The following CRYBG1 variants were observed in gnomAD, a reference collection of about 807,000 sequenced individuals.
CRYBG1 encodes beta/gamma crystallin domain-containing protein 1.
CRYBG1 carries 139 observed loss-of-function variants against 189.2 expected under a neutral mutation model. That is an observed-to-expected ratio of 0.73 (90% CI 0.64 to 0.85). The LOEUF (loss-of-function observed/expected upper bound fraction) is 0.85, where lower values mean the gene tolerates loss of function less well. Ranked by LOEUF, CRYBG1 falls within the 40% of genes least tolerant of loss-of-function variation. The probability of loss-of-function intolerance (pLI) is 0.00; values close to 1 mark genes in which losing one functional copy is unlikely to be tolerated. For missense variants in CRYBG1, 2,611 were observed against 2,675.8 expected (o/e 0.98, Z 0.53); for synonymous variants, 1,023 against 1,017.1 (o/e 1.01, Z -0.11).
chr6:106,543,423 T>A lies in CRYBG1; in HGVS notation c.4882-17T>A. On this transcript the variant is annotated splice_polypyrimidine_tract_variant and intron_variant, in intron 10 of 21. Coordinates refer to ENST00000633556, the MANE Select transcript of CRYBG1 (RefSeq NM_001371242.2). The stretch of plus-strand genomic sequence containing the variant: ...ATACTTCTTACAGATTACTGGTATA[T>A]CTCATTTCTATTGTAGGTAGTTGTT... 2 of 1,602,148 alleles carry A rather than the reference T, an allele frequency of 1.2e-6. No homozygotes were observed. Among genetic ancestry groups the A allele is most frequent in the Non-Finnish European group, 1.7e-6 (2 of 1,169,900 alleles).
intron 1 of CRYBG1, among the ~76,000 whole-genome samples, chr6:106,421,134 AGTGCACTT>A (rs1397156511): frequency 6.6e-6 from 1 of 152,186 alleles, no homozygotes; most frequent in Non-Finnish European, 1.5e-5. Flanking sequence ...TCTGGAGTGC[AGTGCACTT>A]GAGGCCAAGG....
At position 106,504,029 on chromosome 6, in the gene CRYBG1, G is replaced by GAAAAAA. The variant is rs33971164; in HGVS notation, c.313-7387_313-7382dup. ...TGTTTGGCCTGAAGTGACAGCATTA[G>GAAAAAA]AAAAAAAAAAAAAAAAAAACCACAA... On this transcript the variant is annotated intron_variant, in intron 2 of 21. Transcript: ENST00000633556. 5.6e-5 allele frequency among the ~76,000 whole-genome samples: 5 copies of GAAAAAA among 88,540 alleles called. 1 individual carries two copies. Among genetic ancestry groups the GAAAAAA allele is most frequent in the Non-Finnish European group, 9.1e-5 (4 of 44,120 alleles). 58.1% of individuals were successfully genotyped at this position (88,540 alleles called of 152,430 possible).
intron 1 of CRYBG1, among the ~76,000 whole-genome samples, chr6:106,419,977 G>A (rs979286483): frequency 3.3e-5 from 5 of 152,176 alleles, no homozygotes; most frequent in Admixed American, 6.6e-5. Flanking sequence ...TTTACTCTGT[G>A]GGTCTTCCTG....
intron 1 of CRYBG1, among the ~76,000 whole-genome samples, chr6:106,398,142 G>A (rs12192409): frequency 0.1 from 15,393 of 152,052 alleles, 835 homozygotes; most frequent in East Asian, 0.15. Flanking sequence ...ATCCTTGCCC[G>A]TCTTCTCTGC....
intron 1 of CRYBG1, among the ~76,000 whole-genome samples, chr6:106,419,558 AT>A (rs1771087350): frequency 6.6e-6 from 1 of 152,120 alleles, no homozygotes; most frequent in Admixed American, 6.5e-5. Context: ...AATTGTTAAA[AT>A]TTTTTGTAGA....
chr6:106,413,624 C>A (rs1770971137), intron 1 of CRYBG1, among the ~76,000 whole-genome samples: 1 of 151,942 alleles, frequency 6.6e-6, no homozygotes, highest in African/African-American at 2.4e-5. Flanking sequence ...TTGCAGTGAG[C>A]CTAGATTGCA....
At chr6:106,376,193 A>G (rs79231630) in intron 1 of CRYBG1, among the ~76,000 whole-genome samples, 12,143 of 152,278 alleles carry the variant, frequency 0.08, 674 homozygotes, top group African/African-American at 0.16. Context: ...TAAAGATGAA[A>G]TTATAGAGGG....
At chr6:106,527,220 A>AT in intron 6 of CRYBG1, 85 bp from the exon 7 acceptor site, 1 of 1,141,992 alleles carries the variant, frequency 8.8e-7, no homozygotes, top group Non-Finnish European at 1.2e-6. Flanking sequence ...ATATATATAT[A>AT]AAATGGCAAT....
At chr6:106,382,297 C>G (rs72947624) in intron 1 of CRYBG1, among the ~76,000 whole-genome samples, 2 of 152,024 alleles carry the variant, frequency 1.3e-5, no homozygotes, top group African/African-American at 4.8e-5. Context: ...CAAAACTACA[C>G]GGGGAATCTG....
Position 106,423,184 on chromosome 6 carries a change from G to A in CRYBG1, c.174-28510G>A, listed in dbSNP as rs370627622. On this transcript the variant is annotated intron_variant, in intron 1 of 21. Transcript: ENST00000633556. Reference sequence around the variant, plus strand: ...GAATCACAGTTGGGTTGAAATAGTAGCAGGATTAATATTACCTGCAGACTA... The same window carrying A: ...GAATCACAGTTGGGTTGAAATAGTAACAGGATTAATATTACCTGCAGACTA... Among the ~76,000 whole-genome samples the A allele has an allele frequency of 3.3e-5, 5 of 150,164 alleles. No homozygotes were observed. In the South Asian group the frequency reaches 8.4e-4, roughly 25 times the overall value.
At chr6:106,473,663 T>C (rs9386551) in intron 2 of CRYBG1, among the ~76,000 whole-genome samples, 39,705 of 152,062 alleles carry the variant, frequency 0.26, 5,420 homozygotes, top group East Asian at 0.37. Context: ...CTGACCTAGA[T>C]GATCTGTTTT....
intron 1 of CRYBG1, among the ~76,000 whole-genome samples, chr6:106,450,216 CA>C (rs35161258): frequency 0.096 from 10,751 of 111,772 alleles, 1,115 homozygotes; most frequent in African/African-American, 0.29. Flanking sequence ...GACTCTGTCT[CA>C]AAAAAAAAAA....
chr6:106,485,692 G>A, intron 2 of CRYBG1, among the ~76,000 whole-genome samples: 1 of 152,140 alleles, frequency 6.6e-6, no homozygotes, highest in Middle Eastern at 3.2e-3. Context: ...GTATCATGAA[G>A]GGATGTTAAA....
intron 2 of CRYBG1, among the ~76,000 whole-genome samples, chr6:106,493,897 T>C (rs1772782682): frequency 6.6e-6 from 1 of 152,094 alleles, no homozygotes; most frequent in Admixed American, 6.5e-5. Context: ...CTAACCACCA[T>C]GGCATACGTT....
chr6:106,511,656 C>T lies in CRYBG1; in HGVS notation c.539C>T (p.Thr180Ile). 4 of 1,535,826 alleles carry T rather than the reference C, an allele frequency of 2.6e-6. No individual in the cohort carries two copies. Among genetic ancestry groups the T allele is most frequent in the Non-Finnish European group, 2.6e-6 (3 of 1,146,710 alleles). ...AGCAGCCAACTGAAGCAAACGGACA[C>T]AAGCGAGGAGGGCTCCCCGCGGGAG... is the stretch of plus-strand genomic sequence containing the variant. ...SQSSQLKQTD[T>I]SEEGSPRENP... The change falls in exon 3 of 22, where the codon ACA becomes ATA. Residue 180 changes from threonine to isoleucine, a missense_variant. By Grantham distance (89) the Thr-to-Ile change is moderately conservative (BLOSUM62 -1). Coordinates refer to ENST00000633556, the MANE Select transcript of CRYBG1 (RefSeq NM_001371242.2).
At chr6:106,481,270 G>A (rs1185652081) in intron 2 of CRYBG1, among the ~76,000 whole-genome samples, 1 of 150,854 alleles carries the variant, frequency 6.6e-6, no homozygotes, top group African/African-American at 2.4e-5. Flanking sequence ...CACCGCGCCC[G>A]GCCGAGACTC....
intron 2 of CRYBG1, among the ~76,000 whole-genome samples, chr6:106,496,849 G>C (rs1018951435): frequency 5.9e-5 from 9 of 152,136 alleles, no homozygotes; most frequent in African/African-American, 2.2e-4. Flanking sequence ...ATTTTCATTC[G>C]AAGTGTTGAA....
rs1771171883 is a variant in CRYBG1, at chr6:106,423,694, C to A, written c.174-28000C>A. Among the ~76,000 whole-genome samples the A allele has an allele frequency of 6.9e-5, 7 of 101,242 alleles. No homozygotes were observed. In the South Asian group the frequency reaches 2.4e-3, roughly 35 times the overall value. 66.4% of individuals were successfully genotyped at this position (101,242 alleles called of 152,430 possible). On this transcript the variant is annotated intron_variant, in intron 1 of 21. Transcript: ENST00000633556. ...CCCTCCAGTCCTCAGTTCTCCCTCC[C>A]CTTTTTTTTTTTTTTTTTTTTTTTT...
In CRYBG1 at chr6:106,511,933, C is replaced by G. The variant is rs768478661; in HGVS notation, c.816C>G (p.Ala272=). 19 of 1,525,428 alleles carry G rather than the reference C, an allele frequency of 1.2e-5. No homozygotes were observed. In the South Asian group the frequency reaches 2.2e-4, roughly 17 times the overall value. 94.5% of individuals were successfully genotyped at this position (1,525,428 alleles called of 1,614,324 possible). A position where few individuals can be genotyped will look rare whatever the true frequency, so the allele number is the denominator to read the frequency against. The change falls in exon 3 of 22, where the codon GCC becomes GCG. Residue 272 remains alanine (A), a synonymous_variant. Transcript: ENST00000633556. ...SSRQENAETP[A]RSPGEDASPG... ...GGCAAGAGAACGCAGAGACGCCCGC[C>G]CGCAGTCCGGGGGAGGACGCTTCAC...
Sources: allele counts gnomAD v4.1 joint callset (sites outside exome capture counted in the v4.1 genomes callset), GRCh38; gene constraint gnomAD v4.1.1; transcripts MANE v1.5; gene names NCBI Gene and HGNC (gene_info 2026-07-23, HGNC 2026-07-21).